The following CFAP107 variants were observed in gnomAD, a reference collection of about 807,000 sequenced individuals.
CFAP107 encodes cilia and flagella associated protein 107, also known as cilia- and flagella-associated protein 107.
At chr1:12,748,261 C>A in the CFAP107 span, among the ~76,000 whole-genome samples, 1 of 152,034 alleles carries the variant, frequency 6.6e-6, no homozygotes, top group East Asian at 1.9e-4. Flanking sequence ...TGGTTCAGAT[C>A]TCAGCTGGGA....
At chr1:12,760,213 T>G in the CFAP107 span, among the ~76,000 whole-genome samples, 1 of 152,056 alleles carries the variant, frequency 6.6e-6, no homozygotes, top group East Asian at 1.9e-4. Context: ...GGAATGAAAT[T>G]TGTCCTATCC....
chr1:12,759,776 A>T, the CFAP107 span, among the ~76,000 whole-genome samples: 1 of 152,142 alleles, frequency 6.6e-6, no homozygotes, highest in Non-Finnish European at 1.5e-5. Context: ...CCTTCCTCCC[A>T]GTCTTATTTA....
the CFAP107 span, among the ~76,000 whole-genome samples, chr1:12,760,134 C>T: frequency 2.0e-5 from 3 of 151,864 alleles, no homozygotes; most frequent in Admixed American, 6.6e-5. Context: ...GAGGAAGGAA[C>T]AGTAAATGAA....
At chr1:12,747,403 T>C in the CFAP107 span, among the ~76,000 whole-genome samples, 12 of 152,124 alleles carry the variant, frequency 7.9e-5, no homozygotes, top group African/African-American at 2.7e-4. Flanking sequence ...AATTTGGCTC[T>C]TGGTTTTCCA....
the CFAP107 span, among the ~76,000 whole-genome samples, chr1:12,760,080 G>A: frequency 6.6e-6 from 1 of 152,062 alleles, no homozygotes; most frequent in Non-Finnish European, 1.5e-5. Flanking sequence ...GAGTTGAATT[G>A]GGAAGAAGGG....
the CFAP107 span, among the ~76,000 whole-genome samples, chr1:12,746,716 T>G: frequency 3.3e-5 from 5 of 152,198 alleles, no homozygotes; most frequent in South Asian, 1.0e-3. Context: ...TCATCAATAT[T>G]CACGCATTTT....
At chr1:12,746,506 G>A in the CFAP107 span, 5 of 1,613,660 alleles carry the variant, frequency 3.1e-6, no homozygotes, top group South Asian at 5.5e-5. Flanking sequence ...TTCAACGAAA[G>A]TGCTCACTGG....
chr1:12,759,034 T>G, the CFAP107 span, among the ~76,000 whole-genome samples: 1 of 152,176 alleles, frequency 6.6e-6, no homozygotes. Context: ...GGCTTTAATT[T>G]TAATGTGCCA....
the CFAP107 span, among the ~76,000 whole-genome samples, chr1:12,747,001 G>A: frequency 2.0e-5 from 3 of 151,826 alleles, no homozygotes; most frequent in Non-Finnish European, 2.9e-5. Context: ...CTGTGCTGAT[G>A]TCCAGGGATT....
the CFAP107 span, among the ~76,000 whole-genome samples, chr1:12,752,327 G>A: frequency 7.6e-4 from 116 of 152,070 alleles, no homozygotes; most frequent in African/African-American, 2.7e-3. Context: ...GCTCATGCCT[G>A]TAGTCCCAGC....
the CFAP107 span, among the ~76,000 whole-genome samples, chr1:12,754,291 T>C: frequency 2.6e-5 from 4 of 152,232 alleles, no homozygotes; most frequent in African/African-American, 9.6e-5. Context: ...CCTCACTGAT[T>C]ATTAGGGAAA....
chr1:12,750,043 T>A, the CFAP107 span, among the ~76,000 whole-genome samples: 9 of 152,354 alleles, frequency 5.9e-5, no homozygotes, highest in African/African-American at 2.2e-4. Flanking sequence ...TATAAATCTA[T>A]GTAAATGAGT....
the CFAP107 span, chr1:12,755,623 C>G: frequency 5.3e-6 from 5 of 940,922 alleles, no homozygotes; most frequent in Non-Finnish European, 8.7e-6. Flanking sequence ...TTCTGATGGC[C>G]CAGGAGGTAA....
At chr1:12,760,743 T>A in the CFAP107 span, 2 of 1,603,656 alleles carry the variant, frequency 1.2e-6, no homozygotes, top group Non-Finnish European at 1.7e-6. Flanking sequence ...TAAGCCCCAT[T>A]CAACTGGACC....
At chr1:12,758,206 GTAAC>G in the CFAP107 span, among the ~76,000 whole-genome samples, 15,972 of 151,956 alleles carry the variant, frequency 0.11, 1,280 homozygotes, top group African/African-American at 0.23. Flanking sequence ...AGAACTGTAA[GTAAC>G]AAGCTCTCCT....
the CFAP107 span, chr1:12,746,578 G>T: frequency 7.2e-7 from 1 of 1,398,422 alleles, no homozygotes; most frequent in South Asian, 1.2e-5. Context: ...AGGGCTCAGA[G>T]GGACTGATGG....
chr1:12,758,041 C>T, the CFAP107 span, among the ~76,000 whole-genome samples: 1 of 152,202 alleles, frequency 6.6e-6, no homozygotes, highest in African/African-American at 2.4e-5. Flanking sequence ...CAGTCCTAAA[C>T]TTGTCCACCG....
chr1:12,748,746 A>G, the CFAP107 span, among the ~76,000 whole-genome samples: 1 of 152,246 alleles, frequency 6.6e-6, no homozygotes, highest in Non-Finnish European at 1.5e-5. Flanking sequence ...AAACACAAGC[A>G]TCAAGGTACT....
the CFAP107 span, chr1:12,746,249 AGTGAACTCTTGGGGCC>A: frequency 2.0e-6 from 1 of 497,988 alleles, no homozygotes. Flanking sequence ...AAAGGCTGAC[AGTGAACTCTTGGGGCC>A]GTTTTATTCT....
Sources: gnomAD v4.1 joint callset for allele counts (sites outside exome capture counted in the v4.1 genomes callset) on GRCh38, gnomAD v4.1.1 for gene constraint, MANE v1.5 for transcripts, NCBI Gene and HGNC (gene_info 2026-07-23, HGNC 2026-07-21) for gene names.